The following WDR17 variants were observed in gnomAD, a reference collection of about 807,000 sequenced individuals.
WDR17 encodes WD repeat-containing protein 17.
In WDR17, 143 loss-of-function variants were observed where a neutral mutation model predicts 161.7. The observed-to-expected ratio is 0.88, with a 90% confidence interval of 0.77 to 1.02. WDR17 has a LOEUF of 1.02. Ranked by LOEUF, WDR17 falls within the 50% of genes least tolerant of loss-of-function variation. The pLI is 0.00. For missense variants in WDR17, 1,469 were observed against 1,520.9 expected (o/e 0.97, Z 0.57); for synonymous variants, 517 against 515.6 (o/e 1.00, Z -0.04).
chr4:176,092,483 C>A (rs771119442), intron 1 of WDR17, among the ~76,000 whole-genome samples: 1 of 152,066 alleles, frequency 6.6e-6, no homozygotes, highest in Non-Finnish European at 1.5e-5. Context: ...TGGGAAAAAT[C>A]TGAAAGCCTT....
At chr4:176,141,503 C>T (rs1311408971) in intron 10 of WDR17, among the ~76,000 whole-genome samples, 1 of 152,126 alleles carries the variant, frequency 6.6e-6, no homozygotes, top group Non-Finnish European at 1.5e-5. Context: ...AATCCCAGCT[C>T]ACTGCAACCT....
chr4:176,111,481 A>T, intron 1 of WDR17, 94 bp from the exon 2 acceptor site: 1 of 1,364,368 alleles, frequency 7.3e-7, no homozygotes, highest in Non-Finnish European at 9.7e-7. Flanking sequence ...TTTTCAGGGC[A>T]CACAGGTAAG....
intron 11 of WDR17, among the ~76,000 whole-genome samples, chr4:176,145,202 C>T (rs1745973322): frequency 1.3e-5 from 2 of 152,118 alleles, no homozygotes; most frequent in Non-Finnish European, 2.9e-5. Flanking sequence ...GTAGATGTTC[C>T]TCAAATAGAC....
chr4:176,173,555 C>T (rs922186893), intron 25 of WDR17, among the ~76,000 whole-genome samples, 186 bp downstream of exon 25: 3 of 152,050 alleles, frequency 2.0e-5, no homozygotes, highest in Non-Finnish European at 2.9e-5. Flanking sequence ...CTTGCTCTGT[C>T]GCCCAGGCTG....
chr4:176,123,353 T>C (rs894998299), intron 4 of WDR17, among the ~76,000 whole-genome samples: 2 of 152,168 alleles, frequency 1.3e-5, no homozygotes, highest in Non-Finnish European at 2.9e-5. Flanking sequence ...AGACACTCGC[T>C]GAGCGTCCTC....
intron 1 of WDR17, among the ~76,000 whole-genome samples, chr4:176,085,893 CTTCCTT>C (rs1220993318): frequency 5.9e-5 from 9 of 151,758 alleles, no homozygotes; most frequent in Non-Finnish European, 1.2e-4. Context: ...TTTGACTTTT[CTTCCTT>C]TTCCTTTTCT....
intron 1 of WDR17, among the ~76,000 whole-genome samples, chr4:176,100,824 C>G (rs1737704797): frequency 6.6e-6 from 1 of 151,996 alleles, no homozygotes; most frequent in Non-Finnish European, 1.5e-5. Context: ...TTTTCCAGCA[C>G]TATTTATTGA....
intron 22 of WDR17, among the ~76,000 whole-genome samples, chr4:176,168,048 G>A (rs576960246): frequency 4.9e-4 from 74 of 151,914 alleles, no homozygotes; most frequent in African/African-American, 1.4e-3. Context: ...TCAGGAGGCT[G>A]AGGCACAAAA....
intron 11 of WDR17, among the ~76,000 whole-genome samples, chr4:176,144,102 T>C (rs1489937682): frequency 1.3e-5 from 2 of 152,088 alleles, no homozygotes; most frequent in African/African-American, 2.4e-5. Context: ...GGTTCACTTA[T>C]ACTGGCCCCC....
chr4:176,067,997 A>T (rs1206576608), intron 1 of WDR17, among the ~76,000 whole-genome samples: 2 of 152,196 alleles, frequency 1.3e-5, no homozygotes, highest in Non-Finnish European at 2.9e-5. Flanking sequence ...TAATTCTGAC[A>T]GTTTTGAAGG....
intron 1 of WDR17, among the ~76,000 whole-genome samples, chr4:176,071,217 A>G (rs1733189318): frequency 6.6e-6 from 1 of 151,870 alleles, no homozygotes; most frequent in Non-Finnish European, 1.5e-5. Context: ...TCTTTTTATG[A>G]CAAATATTTA....
intron 22 of WDR17, chr4:176,166,281 T>C (rs567692431): frequency 2.5e-4 from 76 of 304,208 alleles, no homozygotes; most frequent in African/African-American, 1.6e-3. Context: ...CCAATTCACG[T>C]GTAATTTATA....
rs577744226 is a variant in WDR17 at position 176,130,676 on chromosome 4, C to T, written c.914-878C>T. Among the ~76,000 whole-genome samples, 300 of 147,158 alleles carry T rather than the reference C, an allele frequency of 2.0e-3. 1 individual carries two copies. Among genetic ancestry groups the T allele is most frequent in the African/African-American group, 7.2e-3 (287 of 39,762 alleles). On this transcript the variant is annotated intron_variant, in intron 6 of 28. Coordinates refer to ENST00000508596, the MANE Select transcript of WDR17 (RefSeq NM_181265.4). The stretch of plus-strand genomic sequence containing the variant: ...AAGAGAATGGCGTCAACCTGGGAGG[C>T]GGAGCTTGCAGTGAGCCGAGATCAT...
intron 17 of WDR17, among the ~76,000 whole-genome samples, chr4:176,155,716 A>AAAATATATATAT (rs1554033763): frequency 7.7e-6 from 1 of 130,294 alleles, no homozygotes; most frequent in African/African-American, 3.0e-5. Context: ...GACTAATTAA[A>AAAATATATATAT]ATATATATAT....
chr4:176,117,389 T>C (rs1468950433), intron 3 of WDR17, among the ~76,000 whole-genome samples: 2 of 152,044 alleles, frequency 1.3e-5, no homozygotes, highest in Non-Finnish European at 2.9e-5. Context: ...AAATTTTTCT[T>C]GAAATTCTTT....
At chr4:176,098,772 C>CATATTTT (rs1737314197) in intron 1 of WDR17, among the ~76,000 whole-genome samples, 1 of 151,544 alleles carries the variant, frequency 6.6e-6, no homozygotes, top group Non-Finnish European at 1.5e-5. Context: ...GTATGATATG[C>CATATTTT]TTTTTATCTT....
chr4:176,089,791 G>A (rs868797873), intron 1 of WDR17, among the ~76,000 whole-genome samples: 17 of 152,174 alleles, frequency 1.1e-4, no homozygotes, highest in African/African-American at 3.9e-4. Context: ...GACAGCTTTT[G>A]CTTCTTCCCT....
chr4:176,130,649 G>A (rs1296191075), intron 6 of WDR17, among the ~76,000 whole-genome samples: 2 of 151,184 alleles, frequency 1.3e-5, no homozygotes, highest in African/African-American at 2.4e-5. Context: ...GGAGGCTGAG[G>A]CAAGAGAATG....
chr4:176,169,663 G>A (rs1258056532), intron 23 of WDR17, among the ~76,000 whole-genome samples: 2 of 152,114 alleles, frequency 1.3e-5, no homozygotes, highest in African/African-American at 2.4e-5. Context: ...TCCCTAGTGG[G>A]TGAGTATCCC....
Sources: allele counts gnomAD v4.1 joint callset (sites outside exome capture counted in the v4.1 genomes callset), GRCh38; gene constraint gnomAD v4.1.1; transcripts MANE v1.5; gene names NCBI Gene and HGNC (gene_info 2026-07-23, HGNC 2026-07-21).